Variants in CADPS2 observed in about 807,000 individuals in gnomAD.
CADPS2 encodes calcium dependent secretion activator 2, also known as calcium-dependent secretion activator 2.
A neutral mutation model predicts 172.5 loss-of-function variants in CADPS2; 93 were observed. The ratio of observed to expected loss-of-function variants is 0.54; its 90% confidence interval spans 0.46 to 0.64. The LOEUF (loss-of-function observed/expected upper bound fraction) is 0.64. Among genes scored for constraint, CADPS2 ranks in the 30% least tolerant of loss-of-function variants. The pLI is 0.00. For missense variants in CADPS2, 1,420 were observed against 1,565.9 expected (o/e 0.91, Z 1.57); for synonymous variants, 546 against 555.2 (o/e 0.98, Z 0.23).
intron 1 of CADPS2, among the ~76,000 whole-genome samples, chr7:122,880,359 C>CT (rs747364418): frequency 1.3e-5 from 2 of 152,168 alleles, no homozygotes; most frequent in Non-Finnish European, 2.9e-5. Context: ...ACCTAGACAC[C>CT]TTTTATAAGT....
chr7:122,837,297 A>C (rs900924291), intron 1 of CADPS2, among the ~76,000 whole-genome samples: 1 of 152,240 alleles, frequency 6.6e-6, no homozygotes, highest in Middle Eastern at 3.2e-3. Context: ...AGGGAAATTT[A>C]TAGCACTAAA....
intron 1 of CADPS2, among the ~76,000 whole-genome samples, chr7:122,816,887 G>A (rs552753810): frequency 2.6e-5 from 4 of 151,732 alleles, no homozygotes; most frequent in South Asian, 2.1e-4. Flanking sequence ...GTAAATGGCC[G>A]ATCCTTGCCT....
At position 122,546,821 on chromosome 7, in the gene CADPS2, CTCA is replaced by C. The variant is rs1373654062; in HGVS notation, c.1475+7726_1475+7728del. On this transcript the variant is annotated intron_variant, in intron 8 of 29. Coordinates refer to ENST00000449022, the MANE Select transcript of CADPS2 (RefSeq NM_017954.11). ...ACAGTCTAGGACTCTTCCTGCCTGT[CTCA>C]TCATTAAAACACTGGTTCCTTGTAT... is the stretch of plus-strand genomic sequence containing the variant. Among the ~76,000 whole-genome samples, 4 of 152,084 alleles carry C rather than the reference CTCA, an allele frequency of 2.6e-5. No individual in the cohort carries two copies. In the East Asian group the frequency reaches 5.8e-4, roughly 22 times the overall value.
intron 24 of CADPS2, chr7:122,386,329 G>GAAA: frequency 7.3e-7 from 1 of 1,369,960 alleles, no homozygotes. Context: ...GCCATGGGTG[G>GAAA]AAAAAAAAAG....
At chr7:122,568,396 T>C (rs2066745718) in intron 7 of CADPS2, among the ~76,000 whole-genome samples, 1 of 152,116 alleles carries the variant, frequency 6.6e-6, no homozygotes, top group Non-Finnish European at 1.5e-5. Context: ...CATCTATCTA[T>C]ACACTGCCAT....
intron 1 of CADPS2, among the ~76,000 whole-genome samples, chr7:122,761,201 A>G (rs971237427): frequency 1.3e-5 from 2 of 152,224 alleles, no homozygotes; most frequent in African/African-American, 2.4e-5. Flanking sequence ...AAACCCAGAC[A>G]TAACTGAAAG....
intron 2 of CADPS2, chr7:122,681,485 C>T (rs1216011635): frequency 4.7e-6 from 7 of 1,494,180 alleles, no homozygotes; most frequent in South Asian, 2.3e-5. Flanking sequence ...CTGAAGCAAG[C>T]GTCTTCGATG....
intron 7 of CADPS2, among the ~76,000 whole-genome samples, chr7:122,573,854 C>G (rs184610928): frequency 1.3e-5 from 2 of 152,154 alleles, no homozygotes; most frequent in African/African-American, 4.8e-5. Flanking sequence ...TATTTGATTT[C>G]TGAAAAATCT....
At chr7:122,533,096 TCTCTTTTAG>T (rs1413897292) in intron 8 of CADPS2, among the ~76,000 whole-genome samples, 2 of 152,116 alleles carry the variant, frequency 1.3e-5, no homozygotes, top group African/African-American at 4.8e-5. Context: ...AACCCTCAAA[TCTCTTTTAG>T]CTCTTAAATT....
chr7:122,369,807 T>C (rs2041533650), intron 25 of CADPS2: 1 of 152,192 alleles, frequency 6.6e-6, no homozygotes, highest in African/African-American at 2.4e-5. Context: ...GAAATGTCTT[T>C]GGATTAGTTC....
At chr7:122,756,345 T>C (rs2093159720) in intron 1 of CADPS2, among the ~76,000 whole-genome samples, 1 of 152,188 alleles carries the variant, frequency 6.6e-6, no homozygotes, top group East Asian at 1.9e-4. Context: ...AAATATACAA[T>C]AGTCATTACT....
At chr7:122,494,606 G>A (rs1442686132) in intron 9 of CADPS2, among the ~76,000 whole-genome samples, 2 of 151,170 alleles carry the variant, frequency 1.3e-5, no homozygotes, top group African/African-American at 2.4e-5. Context: ...ATTACAGGAT[G>A]GTGAAATGAT....
chr7:122,663,908 C>G (rs1270858885), intron 2 of CADPS2, among the ~76,000 whole-genome samples: 1 of 152,076 alleles, frequency 6.6e-6, no homozygotes, highest in Non-Finnish European at 1.5e-5. Context: ...GACTCCAGAA[C>G]TCTCTCATGC....
Position 122,536,345 on chromosome 7 carries a change from G to A in CADPS2, c.1475+18205C>T, listed in dbSNP as rs551094850. ...AGATCATTGCCACAGGACACTTAAC[G>A]AGTAAGAGAGCTAAGAAAGATACCT... On this transcript the variant is annotated intron_variant, in intron 8 of 29. Coordinates refer to ENST00000449022, the MANE Select transcript of CADPS2 (RefSeq NM_017954.11). Among the ~76,000 whole-genome samples, 69 of 152,128 alleles carry A rather than the reference G, an allele frequency of 4.5e-4. 2 individuals carry two copies. The South Asian group carries it at 0.014, about 30-fold the overall frequency.
At chr7:122,512,034 T>G (rs989403115) in intron 9 of CADPS2, among the ~76,000 whole-genome samples, 1 of 152,134 alleles carries the variant, frequency 6.6e-6, no homozygotes, top group Non-Finnish European at 1.5e-5. Flanking sequence ...GTATGTATCT[T>G]TTATTAAAGT....
chr7:122,572,152 T>G (rs888789742), intron 7 of CADPS2, among the ~76,000 whole-genome samples: 9 of 152,176 alleles, frequency 5.9e-5, no homozygotes, highest in African/African-American at 2.2e-4. Context: ...CAGCACTAAA[T>G]GACTGACTGA....
chr7:122,755,728 C>G (rs1315740213), intron 1 of CADPS2, among the ~76,000 whole-genome samples: 2 of 147,894 alleles, frequency 1.4e-5, no homozygotes, highest in Non-Finnish European at 3.0e-5. Context: ...TTTAGAGAGG[C>G]TAAAAAAAAA....
At chr7:122,488,022 A>G (rs2057991749) in intron 11 of CADPS2, among the ~76,000 whole-genome samples, 1 of 152,234 alleles carries the variant, frequency 6.6e-6, no homozygotes, top group Middle Eastern at 3.2e-3. Context: ...GCAAAATGAA[A>G]AACACAGGAA....
intron 1 of CADPS2, among the ~76,000 whole-genome samples, chr7:122,820,233 G>C (rs1802738103): frequency 6.6e-6 from 1 of 151,902 alleles, no homozygotes; most frequent in Non-Finnish European, 1.5e-5. Context: ...CTTTCACTTG[G>C]ACTGACCCTG....
Sources: allele counts gnomAD v4.1 joint callset (sites outside exome capture counted in the v4.1 genomes callset), GRCh38; gene constraint gnomAD v4.1.1; transcripts MANE v1.5; gene names NCBI Gene and HGNC (gene_info 2026-07-23, HGNC 2026-07-21).